The following AKAP7 variants were observed in gnomAD, a reference collection of about 807,000 sequenced individuals.
AKAP7 encodes the protein A kinase (PRKA) anchor protein 7.
A neutral mutation model predicts 39.5 loss-of-function variants in AKAP7; 39 were observed. The ratio of observed to expected loss-of-function variants is 0.99; its 90% CI spans 0.76 to 1.29. The LOEUF (loss-of-function observed/expected upper bound fraction) is 1.29. Ranked by LOEUF, AKAP7 falls within the 50% of genes most tolerant of loss-of-function variation. The pLI, the probability that AKAP7 is intolerant of heterozygous loss-of-function variation, is 0.00. For missense variants in AKAP7, 414 were observed against 407.7 expected, an observed-to-expected ratio of 1.02 and a Z score of -0.13; for synonymous variants, 140 against 139.1, an observed-to-expected ratio of 1.01 and a Z score of -0.05.
chr6:131,209,463 G>A (rs1022269268), intron 6 of AKAP7, among the ~76,000 whole-genome samples: 5 of 152,064 alleles, frequency 3.3e-5, no homozygotes, highest in African/African-American at 1.2e-4. Flanking sequence ...TGTTAGCCAG[G>A]ATGGTCTGGA....
intron 6 of AKAP7, among the ~76,000 whole-genome samples, chr6:131,212,561 A>G (rs1250308313): frequency 2.0e-5 from 3 of 152,190 alleles, no homozygotes; most frequent in East Asian, 1.9e-4. Flanking sequence ...AGGGGTGTCA[A>G]TGTAAATCGC....
intron 1 of AKAP7, 119 bp downstream of exon 1, chr6:131,135,901 C>T (rs1303836311): frequency 5.4e-6 from 6 of 1,114,196 alleles, no homozygotes; most frequent in Non-Finnish European, 1.1e-6. Context: ...TCCGAGTCTC[C>T]CTCCTTCCCA....
At chr6:131,158,659 A>T (rs888851746) in intron 2 of AKAP7, among the ~76,000 whole-genome samples, 1 of 152,016 alleles carries the variant, frequency 6.6e-6, no homozygotes, top group African/African-American at 2.4e-5. Flanking sequence ...GGCTTGTGCT[A>T]CCATGCCTGT....
intron 5 of AKAP7, among the ~76,000 whole-genome samples, chr6:131,187,971 T>A (rs948333102): frequency 6.6e-6 from 1 of 152,354 alleles, no homozygotes; most frequent in Non-Finnish European, 1.5e-5. Flanking sequence ...TGTTAAGTGA[T>A]GTGTCTAGGA....
intron 3 of AKAP7, among the ~76,000 whole-genome samples, chr6:131,162,195 G>A (rs1470252518): frequency 6.6e-6 from 1 of 152,154 alleles, no homozygotes; most frequent in African/African-American, 2.4e-5. Flanking sequence ...GTGGGGAAGG[G>A]GATTGAGAGG....
chr6:131,240,159 T>C (rs1811416479), intron 7 of AKAP7, among the ~76,000 whole-genome samples: 1 of 152,230 alleles, frequency 6.6e-6, no homozygotes, highest in East Asian at 1.9e-4. Context: ...TGTTGGAGTT[T>C]GCTGGAGGTC....
chr6:131,207,491 ATTT>A (rs531582478), intron 6 of AKAP7, among the ~76,000 whole-genome samples: 89 of 78,786 alleles, frequency 1.1e-3, no homozygotes, highest in African/African-American at 3.6e-3. Context: ...GCTAATTAAA[ATTT>A]TTTTTTTTTT....
chr6:131,140,148 G>GA (rs1293536678), intron 1 of AKAP7, among the ~76,000 whole-genome samples: 1 of 152,118 alleles, frequency 6.6e-6, no homozygotes. Flanking sequence ...TTTTCAATTG[G>GA]AAAACCACTC....
At chr6:131,170,413 T>C (rs1202560843) in intron 5 of AKAP7, among the ~76,000 whole-genome samples, 1 of 151,934 alleles carries the variant, frequency 6.6e-6, no homozygotes, top group Non-Finnish European at 1.5e-5. Context: ...AAACAGAAGC[T>C]AGTGCTTTGG....
chr6:131,142,601 C>G (rs1413021503), intron 1 of AKAP7, among the ~76,000 whole-genome samples: 12 of 152,248 alleles, frequency 7.9e-5, no homozygotes, highest in Non-Finnish European at 1.5e-5. Context: ...AGCAGTGGAG[C>G]CCTCACAGAG....
chr6:131,280,012 C>G (rs1032549311), intron 7 of AKAP7, among the ~76,000 whole-genome samples: 2 of 152,160 alleles, frequency 1.3e-5, no homozygotes, highest in Non-Finnish European at 2.9e-5. Context: ...TTCATTCCTA[C>G]TGATAAACAA....
chr6:131,234,257 G>T (rs1188039127), intron 7 of AKAP7, among the ~76,000 whole-genome samples: 1 of 152,190 alleles, frequency 6.6e-6, no homozygotes. Flanking sequence ...ATTATGATGT[G>T]TATTTAAGAT....
the AKAP7 span, among the ~76,000 whole-genome samples, chr6:131,128,683 G>C: frequency 3.3e-5 from 5 of 152,084 alleles, no homozygotes; most frequent in South Asian, 1.0e-3. Flanking sequence ...TTAGCCAGGC[G>C]TGGTGGCGTG....
chr6:131,203,495 G>T (rs191161441), intron 6 of AKAP7, among the ~76,000 whole-genome samples: 1 of 151,984 alleles, frequency 6.6e-6, no homozygotes, highest in Non-Finnish European at 1.5e-5. Context: ...CTCATTTCAC[G>T]TATGTTATTC....
intron 2 of AKAP7, among the ~76,000 whole-genome samples, chr6:131,147,807 T>C (rs1311206821): frequency 2.0e-5 from 3 of 152,198 alleles, no homozygotes; most frequent in Non-Finnish European, 2.9e-5. Flanking sequence ...ATAAGTTAGA[T>C]TGGAACAAGG....
chr6:131,233,222 A>G (rs1810774048), intron 7 of AKAP7, among the ~76,000 whole-genome samples: 1 of 152,308 alleles, frequency 6.6e-6, no homozygotes, highest in Non-Finnish European at 1.5e-5. Flanking sequence ...TCAGTGAAAC[A>G]TGGAGGAATT....
chr6:131,169,661 T>G (rs775912407), intron 5 of AKAP7, among the ~76,000 whole-genome samples: 3 of 152,162 alleles, frequency 2.0e-5, no homozygotes, highest in Non-Finnish European at 4.4e-5. Flanking sequence ...ACCTCATATG[T>G]GTTGGAGAAC....
intron 7 of AKAP7, chr6:131,253,109 AG>A: frequency 6.2e-7 from 1 of 1,612,510 alleles, no homozygotes; most frequent in Non-Finnish European, 8.5e-7. Flanking sequence ...TCAAGTGGTA[AG>A]AGTCAAGTGA....
intron 1 of AKAP7, among the ~76,000 whole-genome samples, chr6:131,143,712 C>T (rs1801234335): frequency 6.7e-6 from 1 of 149,852 alleles, no homozygotes; most frequent in African/African-American, 2.4e-5. Flanking sequence ...TGTGGCCTAT[C>T]ATCATAGCCA....
Sources: gnomAD v4.1 joint callset for allele counts (sites outside exome capture counted in the v4.1 genomes callset) on GRCh38, gnomAD v4.1.1 for gene constraint, MANE v1.5 for transcripts, NCBI Gene and HGNC (gene_info 2026-07-23, HGNC 2026-07-21) for gene names.